Variants in AQR observed in about 807,000 individuals in gnomAD.
AQR encodes the protein aquarius intron-binding spliceosomal factor, also known as RNA helicase aquarius.
A neutral mutation model predicts 180.5 loss-of-function variants in AQR; 61 were observed. The observed-to-expected ratio is 0.34, with a 90% CI of 0.28 to 0.42. The LOEUF (loss-of-function observed/expected upper bound fraction) is 0.42. AQR is among the 10% of genes least tolerant of loss of function. The pLI, the probability that AQR is intolerant of heterozygous loss-of-function variation, is 1.00. For synonymous variants in AQR, 551 were observed against 588.8 expected, an observed-to-expected ratio of 0.94 and a Z score of 0.93; for missense variants, 1,281 against 1,798.3, an observed-to-expected ratio of 0.71 and a Z score of 5.20.
At chr15:34,931,158 A>C in intron 11 of AQR, among the ~76,000 whole-genome samples, 1 of 151,932 alleles carries the variant, frequency 6.6e-6, no homozygotes, top group South Asian at 2.1e-4. Flanking sequence ...TTAGGGAAAA[A>C]CACTAAGATA....
At chr15:34,861,391 A>T (rs1892669572) in intron 33 of AQR, among the ~76,000 whole-genome samples, 1 of 152,178 alleles carries the variant, frequency 6.6e-6, no homozygotes, top group South Asian at 2.1e-4. Context: ...TTTCCTTGAG[A>T]CACAGCACTC....
intron 4 of AQR, 104 bp from the exon 5 acceptor site, chr15:34,948,488 T>A (rs1396534597): frequency 1.4e-6 from 2 of 1,417,466 alleles, no homozygotes; most frequent in Non-Finnish European, 1.9e-6. Flanking sequence ...TCTGAAAATA[T>A]TTTGGAAATC....
At chr15:34,943,585 A>G (rs1483025196) in intron 6 of AQR, among the ~76,000 whole-genome samples, 1 of 152,128 alleles carries the variant, frequency 6.6e-6, no homozygotes, top group African/African-American at 2.4e-5. Flanking sequence ...GAAACAGGTA[A>G]TAATCATCCA....
chr15:34,882,727 G>T, intron 26 of AQR, 88 bp from the exon 27 acceptor site: 1 of 1,136,848 alleles, frequency 8.8e-7, no homozygotes, highest in Non-Finnish European at 1.2e-6. Flanking sequence ...TAATTCCTGA[G>T]AAATTAACAT....
chr15:34,929,239 G>C (rs1893812184), intron 12 of AQR, among the ~76,000 whole-genome samples: 1 of 152,060 alleles, frequency 6.6e-6, no homozygotes, highest in Non-Finnish European at 1.5e-5. Flanking sequence ...AATTGCTTTT[G>C]GCTTTTTTGT....
At chr15:34,861,231 T>C (rs1284995525) in intron 33 of AQR, among the ~76,000 whole-genome samples, 3 of 152,214 alleles carry the variant, frequency 2.0e-5, no homozygotes, top group East Asian at 3.8e-4. Flanking sequence ...GATGGCAGCA[T>C]TCCATCTAAG....
chr15:34,861,381 T>C (rs1892669520), intron 33 of AQR, among the ~76,000 whole-genome samples: 1 of 152,194 alleles, frequency 6.6e-6, no homozygotes. Context: ...AAGAGCTGCC[T>C]TTCCTTGAGA....
At chr15:34,859,719 C>A (rs1038002387) in intron 34 of AQR, among the ~76,000 whole-genome samples, 1 of 151,992 alleles carries the variant, frequency 6.6e-6, no homozygotes, top group Non-Finnish European at 1.5e-5. Flanking sequence ...TGGTGAAGGG[C>A]AAGGAGGGAT....
chr15:34,961,755 T>G (rs982350010), intron 2 of AQR, among the ~76,000 whole-genome samples: 4 of 151,118 alleles, frequency 2.6e-5, no homozygotes, highest in Admixed American at 6.6e-5. Flanking sequence ...CTGGAACTCT[T>G]AGGCAAGTGC....
chr15:34,921,300 G>A (rs963918201), intron 13 of AQR, among the ~76,000 whole-genome samples: 10 of 151,716 alleles, frequency 6.6e-5, no homozygotes, highest in Non-Finnish European at 1.3e-4. Context: ...CAGGCGTGGT[G>A]GTGAGCGCCT....
intron 3 of AQR, among the ~76,000 whole-genome samples, chr15:34,957,179 C>A (rs530365994): frequency 6.6e-6 from 1 of 151,798 alleles, no homozygotes; most frequent in Non-Finnish European, 1.5e-5. Flanking sequence ...TTTTTTCAGA[C>A]GGAGTCTTGC....
At chr15:34,861,976 A>G (rs1356009769) in intron 33 of AQR, among the ~76,000 whole-genome samples, 1 of 152,148 alleles carries the variant, frequency 6.6e-6, no homozygotes, top group Non-Finnish European at 1.5e-5. Context: ...AGCAAAGCCC[A>G]AAAGTCTATA....
intron 11 of AQR, among the ~76,000 whole-genome samples, chr15:34,931,880 T>C (rs565145082): frequency 3.0e-4 from 45 of 152,290 alleles, no homozygotes; most frequent in Non-Finnish European, 6.2e-4. Context: ...AAATGTAAAA[T>C]ACTGTGTCTT....
chr15:34,929,136 A>T (rs1023661050), intron 12 of AQR, among the ~76,000 whole-genome samples: 2 of 152,100 alleles, frequency 1.3e-5, no homozygotes, highest in Non-Finnish European at 2.9e-5. Flanking sequence ...CCCATTCTGT[A>T]GGTTGCCTGT....
Position 34,856,392 on chromosome 15 carries a change from C to T in AQR, c.*400G>A. The T allele has an allele frequency of 2.5e-6, 1 of 396,750 alleles. No individual in the cohort carries two copies. Among genetic ancestry groups the T allele is most frequent in the African/African-American group, 2.1e-5 (1 of 48,700 alleles). 24.6% of individuals were successfully genotyped at this position (396,750 alleles called of 1,614,324 possible). A position where few individuals can be genotyped will look rare whatever the true frequency, so the allele number is the denominator to read the frequency against. The stretch of plus-strand genomic sequence containing the variant: ...AGAATTTAAGCATTTGATAGTATAA[C>T]AGAAGAAACAAGTTCCTTCCCAATT... On this transcript the variant is annotated 3_prime_UTR_variant, in exon 35 of 35. Transcript: ENST00000156471.
chr15:34,934,506 G>T, intron 10 of AQR, 65 bp downstream of exon 10: 1 of 1,140,216 alleles, frequency 8.8e-7, no homozygotes, highest in Non-Finnish European at 1.2e-6. Context: ...TTCATATATG[G>T]TCATATGCTT....
intron 33 of AQR, 23 bp from the exon 34 acceptor site, chr15:34,860,178 T>G (rs1892650188): frequency 2.2e-6 from 3 of 1,336,432 alleles, no homozygotes; most frequent in Non-Finnish European, 3.1e-6. Flanking sequence ...AAAAAGAACG[T>G]TAAGTATCTA....
intron 1 of AQR, among the ~76,000 whole-genome samples, chr15:34,968,277 G>T (rs533467222): frequency 6.8e-6 from 1 of 146,896 alleles, no homozygotes; most frequent in Non-Finnish European, 1.5e-5. Flanking sequence ...TTTTGAGACG[G>T]AGTCTCGCAC....
intron 2 of AQR, among the ~76,000 whole-genome samples, chr15:34,963,308 T>A (rs1192792053): frequency 6.6e-6 from 1 of 152,174 alleles, no homozygotes; most frequent in Non-Finnish European, 1.5e-5. Flanking sequence ...CCTAATCCAA[T>A]GAGAATTAAC....
Sources: allele counts gnomAD v4.1 joint callset (sites outside exome capture counted in the v4.1 genomes callset), GRCh38; gene constraint gnomAD v4.1.1; transcripts MANE v1.5; gene names NCBI Gene and HGNC (gene_info 2026-07-23, HGNC 2026-07-21).